The following CDH9 variants were observed in gnomAD, a reference collection of about 807,000 sequenced individuals.
The protein encoded by CDH9 is cadherin 9, also known as cadherin-9.
In CDH9, 28 loss-of-function variants were observed where a neutral mutation model predicts 70.9. That is an observed-to-expected ratio of 0.40 (90% CI 0.29 to 0.54). The LOEUF is 0.54. CDH9 is among the 20% of genes least tolerant of loss of function. CDH9 has a pLI of 0.59. For missense variants in CDH9, 874 were observed against 984.4 expected (o/e 0.89, Z 1.50); for synonymous variants, 409 against 343.1 (o/e 1.19, Z -2.12).
At chr5:26,933,171 A>G (rs1278609253) in intron 2 of CDH9, among the ~76,000 whole-genome samples, 1 of 147,968 alleles carries the variant, frequency 6.8e-6, no homozygotes, top group African/African-American at 2.4e-5. Context: ...ATAAATATAT[A>G]TGATTTTATA....
intron 1 of CDH9, among the ~76,000 whole-genome samples, chr5:26,989,882 T>C (rs1391736610): frequency 2.6e-5 from 4 of 152,114 alleles, no homozygotes; most frequent in African/African-American, 7.2e-5. Flanking sequence ...ACCCACAAGG[T>C]ATTGTTGTTG....
chr5:27,022,923 G>C (rs1460841168), intron 1 of CDH9, among the ~76,000 whole-genome samples: 2 of 151,706 alleles, frequency 1.3e-5, no homozygotes, highest in South Asian at 4.1e-4. Flanking sequence ...AAGTAGTTCA[G>C]TTATTTGTAT....
At chr5:26,929,630 T>C (rs1283011404) in intron 2 of CDH9, among the ~76,000 whole-genome samples, 1 of 151,978 alleles carries the variant, frequency 6.6e-6, no homozygotes, top group Non-Finnish European at 1.5e-5. Flanking sequence ...GAAAATGAGG[T>C]ACATGTACAC....
intron 1 of CDH9, among the ~76,000 whole-genome samples, chr5:27,008,971 T>C (rs1219428015): frequency 6.6e-6 from 1 of 152,172 alleles, no homozygotes; most frequent in African/African-American, 2.4e-5. Context: ...CAAATAAGGT[T>C]ACTTTGTCTA....
At chr5:26,916,969 T>G (rs1442619091) in intron 2 of CDH9, among the ~76,000 whole-genome samples, 2 of 151,990 alleles carry the variant, frequency 1.3e-5, no homozygotes, top group East Asian at 1.9e-4. Flanking sequence ...TTCTTTTCAT[T>G]GATAAATGTC....
intron 2 of CDH9, among the ~76,000 whole-genome samples, chr5:26,973,440 T>A (rs1742254317): frequency 6.6e-6 from 1 of 150,862 alleles, no homozygotes; most frequent in Non-Finnish European, 1.5e-5. Context: ...TATTTTATTT[T>A]GTATTTTTTT....
chr5:26,972,635 T>C (rs1742239254), intron 2 of CDH9, among the ~76,000 whole-genome samples: 2 of 152,120 alleles, frequency 1.3e-5, no homozygotes, highest in African/African-American at 4.8e-5. Context: ...ATCAGTGTCG[T>C]TAAAGGATCA....
At chr5:26,896,685 T>G (rs1163292191) in intron 7 of CDH9, among the ~76,000 whole-genome samples, 2 of 151,916 alleles carry the variant, frequency 1.3e-5, no homozygotes, top group Non-Finnish European at 2.9e-5. Context: ...AGAGGGAAAT[T>G]TATAGCACTA....
At chr5:26,946,671 A>T (rs1427277725) in intron 2 of CDH9, among the ~76,000 whole-genome samples, 2 of 152,194 alleles carry the variant, frequency 1.3e-5, no homozygotes, top group Admixed American at 6.5e-5. Flanking sequence ...ATTCTCTAGC[A>T]GTTATTCTCA....
rs376273946 is a variant in CDH9, at chr5:26,906,705, T to C, written c.643+14A>G. 7 of 1,612,012 alleles carry C rather than the reference T, an allele frequency of 4.3e-6. No homozygotes were observed. In the African/African-American group the frequency reaches 9.3e-5, roughly 22 times the overall value. On this transcript the variant is annotated intron_variant, in intron 4 of 11. Transcript: ENST00000231021. ...ATTATACAATAAGAAGTCAGCCAAGTTTAAATGTTGTACCTGATTCTGGGT... is the reference window on the plus strand; with the variant it reads ...ATTATACAATAAGAAGTCAGCCAAGCTTAAATGTTGTACCTGATTCTGGGT...
chr5:26,967,865 G>A (rs1256596402), intron 2 of CDH9, among the ~76,000 whole-genome samples: 1 of 151,862 alleles, frequency 6.6e-6, no homozygotes, highest in Admixed American at 6.6e-5. Context: ...CACTATGTCT[G>A]GCTAACTTTT....
At chr5:27,014,325 TA>T (rs1399108382) in intron 1 of CDH9, among the ~76,000 whole-genome samples, 1 of 151,946 alleles carries the variant, frequency 6.6e-6, no homozygotes, top group East Asian at 1.9e-4. Context: ...TCCGACCAAG[TA>T]TCTGAAGAGT....
At chr5:26,936,863 G>GCA (rs4052340) in intron 2 of CDH9, among the ~76,000 whole-genome samples, 13,836 of 120,208 alleles carry the variant, frequency 0.12, 778 homozygotes, top group East Asian at 0.23. Flanking sequence ...ACACACACAC[G>GCA]CACACACACA....
chr5:27,004,977 A>G (rs989486923), intron 1 of CDH9, among the ~76,000 whole-genome samples: 7 of 152,134 alleles, frequency 4.6e-5, no homozygotes, highest in African/African-American at 1.7e-4. Context: ...GAGAGCAACA[A>G]AATGCAAATG....
intron 2 of CDH9, among the ~76,000 whole-genome samples, chr5:26,959,814 A>G (rs930724448): frequency 1.3e-5 from 2 of 152,056 alleles, no homozygotes. Context: ...TATCCAGAAT[A>G]GGTAAATACA....
intron 2 of CDH9, among the ~76,000 whole-genome samples, chr5:26,947,686 A>G (rs1392440205): frequency 6.6e-6 from 1 of 152,196 alleles, no homozygotes; most frequent in Non-Finnish European, 1.5e-5. Context: ...GTGAAGCTCT[A>G]TTACGAAGAA....
intron 2 of CDH9, among the ~76,000 whole-genome samples, chr5:26,944,991 G>T (rs1416716227): frequency 2.0e-5 from 3 of 152,090 alleles, no homozygotes; most frequent in African/African-American, 7.2e-5. Context: ...AGGAGGGTTG[G>T]ATGTTGGATG....
chr5:26,989,910 T>C (rs886834673), intron 1 of CDH9, among the ~76,000 whole-genome samples: 2 of 152,176 alleles, frequency 1.3e-5, no homozygotes, highest in Admixed American at 6.6e-5. Context: ...TTTACACTTT[T>C]ATCAATACAA....
At chr5:26,945,085 A>G (rs1009331614) in intron 2 of CDH9, among the ~76,000 whole-genome samples, 1 of 151,974 alleles carries the variant, frequency 6.6e-6, no homozygotes, top group Non-Finnish European at 1.5e-5. Context: ...TTTCAGAAAT[A>G]GAAGTCTGTT....
Sources: gnomAD v4.1 joint callset for allele counts (sites outside exome capture counted in the v4.1 genomes callset) on GRCh38, gnomAD v4.1.1 for gene constraint, MANE v1.5 for transcripts, NCBI Gene and HGNC (gene_info 2026-07-23, HGNC 2026-07-21) for gene names.